PDCD6: variants seen among roughly 807,000 people sequenced by gnomAD.
The protein encoded by PDCD6 is programmed cell death protein 6.
A neutral mutation model predicts 28.3 loss-of-function variants in PDCD6; 12 were observed. That is an observed-to-expected ratio of 0.42 (90% CI 0.27 to 0.69). The LOEUF is 0.69. PDCD6 is among the 30% of genes least tolerant of loss of function. The pLI is 0.22. For missense variants in PDCD6, 226 were observed against 269.9 expected (o/e 0.84, Z 1.14); for synonymous variants, 92 against 108.0 (o/e 0.85, Z 0.92).
chr5:276,340 G>C, intron 2 of PDCD6: 1 of 1,077,934 alleles, frequency 9.3e-7, no homozygotes, highest in Non-Finnish European at 1.1e-6. Flanking sequence ...CGTTTTCATA[G>C]TTCCCTCTCA....
chr5:281,838 C>G (rs1162749832), intron 2 of PDCD6, among the ~76,000 whole-genome samples: 4 of 150,688 alleles, frequency 2.7e-5, no homozygotes, highest in African/African-American at 9.9e-5. Context: ...CATTGTGCAG[C>G]TGAAGACTCG....
intron 2 of PDCD6, among the ~76,000 whole-genome samples, chr5:278,215 T>A (rs754536397): frequency 6.6e-6 from 1 of 152,158 alleles, no homozygotes; most frequent in African/African-American, 2.4e-5. Context: ...CTTTCTCTTG[T>A]AGGATATTTC....
intron 2 of PDCD6, among the ~76,000 whole-genome samples, chr5:291,696 T>C (rs1347313947): frequency 6.8e-6 from 1 of 147,090 alleles, no homozygotes; most frequent in Non-Finnish European, 1.5e-5. Flanking sequence ...TGATCTCCCG[T>C]CTCCATTCTC....
At chr5:276,787 A>G in intron 2 of PDCD6, 4 of 985,356 alleles carry the variant, frequency 4.1e-6, no homozygotes, top group Non-Finnish European at 4.8e-6. Flanking sequence ...CACACTGAGA[A>G]GGTATTTGTG....
At chr5:285,618 C>G (rs972682500) in intron 2 of PDCD6, among the ~76,000 whole-genome samples, 2 of 146,932 alleles carry the variant, frequency 1.4e-5, no homozygotes, top group Admixed American at 6.8e-5. Flanking sequence ...CCATGGGGAT[C>G]TGATGTTCCA....
chr5:314,582 G>T lies in PDCD6; in HGVS notation c.*67G>T. On this transcript the variant is annotated 3_prime_UTR_variant, in exon 6 of 6. Transcript: ENST00000264933. ...AAAATGTCACAGTTCCTATCTGTGA[G>T]GGAATGGAGCACAGGTGCAGTTAGA... is the stretch of plus-strand genomic sequence containing the variant. The T allele has an allele frequency of 1.8e-6, 2 of 1,118,204 alleles. No individual in the cohort carries two copies. The highest frequency in any genetic ancestry group is 2.4e-5 in the East Asian group (1 of 42,496). The allele number at this position is 1,118,204 out of a possible 1,614,324, so 69.3% of individuals were successfully genotyped here. A position where few individuals can be genotyped will look rare whatever the true frequency, so the allele number is the denominator to read the frequency against.
intron 2 of PDCD6, among the ~76,000 whole-genome samples, chr5:279,151 T>A (rs1738404998): frequency 6.6e-6 from 1 of 152,068 alleles, no homozygotes; most frequent in Non-Finnish European, 1.5e-5. Context: ...ACACAGAGAC[T>A]GACATTTCTT....
intron 2 of PDCD6, among the ~76,000 whole-genome samples, chr5:298,554 C>T (rs916205566): frequency 6.6e-6 from 1 of 151,560 alleles, no homozygotes; most frequent in African/African-American, 2.4e-5. Context: ...GATTAGGGTT[C>T]CTCCCGGCCT....
rs1740306960 is a variant in PDCD6, at chr5:304,041, G to A, written c.164-136G>A. 2.4e-5 allele frequency: 30 copies of A among 1,238,298 alleles called. 1 individual carries two copies. In the South Asian group the frequency reaches 3.7e-4, roughly 15 times the overall value. The allele number at this position is 1,238,298 out of a possible 1,614,324, so 76.7% of individuals were successfully genotyped here. A position where few individuals can be genotyped will look rare whatever the true frequency, so the allele number is the denominator to read the frequency against. ...TCCCAGGAGTCATGGCAGCCGACACGTCACCTGGAGTGTCTAGAAAACCAC... is the reference window on the plus strand; with the variant it reads ...TCCCAGGAGTCATGGCAGCCGACACATCACCTGGAGTGTCTAGAAAACCAC... On this transcript the variant is annotated intron_variant, in intron 2 of 5. Coordinates refer to ENST00000264933, the MANE Select transcript of PDCD6 (RefSeq NM_013232.4).
At chr5:303,860 G>A (rs1315366951) in intron 2 of PDCD6, among the ~76,000 whole-genome samples, 1 of 148,824 alleles carries the variant, frequency 6.7e-6, no homozygotes, top group Non-Finnish European at 1.5e-5. Context: ...GAAAAATTCT[G>A]TGTGTAAAAT....
intron 2 of PDCD6, among the ~76,000 whole-genome samples, chr5:285,709 G>A (rs1738911716): frequency 6.6e-6 from 1 of 151,520 alleles, no homozygotes; most frequent in Non-Finnish European, 1.5e-5. Flanking sequence ...ACCCGGGGGC[G>A]GGCTGATGTT....
chr5:302,107 T>TGTGTGTGTGTGTGTGC lies in PDCD6; in HGVS notation c.164-2069_164-2068insTGTGTGTGTGTGTGCG, dbSNP rs113802406. On this transcript the variant is annotated intron_variant, in intron 2 of 5. Transcript: ENST00000264933. ...GTGTGTGTGTGTGTGTGTGTGTGTG[T>TGTGTGTGTGTGTGTGC]GCCTTGGGTTCAGGTGCACCTGCCT... Among the ~76,000 whole-genome samples, 141 of 111,670 alleles carry TGTGTGTGTGTGTGTGC rather than the reference T, an allele frequency of 1.3e-3. 3 individuals carry two copies. Among genetic ancestry groups the TGTGTGTGTGTGTGTGC allele is most frequent in the Non-Finnish European group, 1.8e-3 (101 of 56,332 alleles). The allele number at this position is 111,670 out of a possible 152,430, so 73.3% of individuals were successfully genotyped here.
chr5:290,258 C>T, intron 2 of PDCD6: 2 of 1,506,598 alleles, frequency 1.3e-6, no homozygotes, highest in South Asian at 2.3e-5. Context: ...CAGGACAGGA[C>T]AAACTTCCTT....
chr5:310,102 C>T (rs1740810968), intron 4 of PDCD6: 1 of 211,048 alleles, frequency 4.7e-6, no homozygotes, highest in African/African-American at 2.4e-5. Context: ...GCTCTGTTCT[C>T]AGCAGGCTGG....
chr5:306,743 A>G lies in PDCD6; in HGVS notation c.350A>G (p.Gln117Arg), dbSNP rs755147828. Reference protein sequence around the residue: ...SGMIDKNELKQALSGFGYRLS... With the variant: ...SGMIDKNELKRALSGFGYRLS... ...ATGATCGATAAGAACGAGCTGAAGCAGGCCCTCTCAGGTTTCGGTAACTCA... is the reference window on the plus strand; with the variant it reads ...ATGATCGATAAGAACGAGCTGAAGCGGGCCCTCTCAGGTTTCGGTAACTCA... Residue 117 changes from glutamine (Q) to arginine (R), a missense_variant, in exon 4 of 6, where the codon CAG (glutamine) becomes CGG (arginine). Transcript: ENST00000264933. 2.5e-6 allele frequency: 4 copies of G among 1,613,724 alleles called. No homozygotes were observed. Among genetic ancestry groups the G allele is most frequent in the African/African-American group, 2.7e-5 (2 of 74,928 alleles).
At position 300,317 on chromosome 5, in the gene PDCD6, C is replaced by T. The variant is rs528028129; in HGVS notation, c.164-3860C>T. Among the ~76,000 whole-genome samples the T allele has an allele frequency of 3.9e-5, 6 of 152,338 alleles. No homozygotes were observed. The East Asian group carries it at 7.7e-4, about 20-fold the overall frequency. On this transcript the variant is annotated intron_variant, in intron 2 of 5. Transcript: ENST00000264933. Reference sequence around the variant, plus strand: ...AGGAGAGCCTCCCTGGTCCGCACCACGGCACTAGCTGTCCCAGCTTCTTGC... The same window carrying T: ...AGGAGAGCCTCCCTGGTCCGCACCATGGCACTAGCTGTCCCAGCTTCTTGC...
chr5:301,770 T>TC (rs1236955026), intron 2 of PDCD6, among the ~76,000 whole-genome samples: 1 of 149,744 alleles, frequency 6.7e-6, no homozygotes, highest in Admixed American at 6.7e-5. Flanking sequence ...GGAGGGTGGG[T>TC]CGTGGAGTGC....
intron 2 of PDCD6, among the ~76,000 whole-genome samples, chr5:301,647 C>G (rs1197581609): frequency 7.9e-5 from 12 of 151,216 alleles, no homozygotes; most frequent in Admixed American, 7.9e-4. Context: ...GAGAGCACAG[C>G]TTCCCTGCAT....
At chr5:280,492 A>T (rs1738497053) in intron 2 of PDCD6, among the ~76,000 whole-genome samples, 1 of 137,270 alleles carries the variant, frequency 7.3e-6, no homozygotes, top group African/African-American at 2.9e-5. Context: ...ACCGAAGTAG[A>T]GGGCAGGGCT....
Sources: gnomAD v4.1 joint callset for allele counts (sites outside exome capture counted in the v4.1 genomes callset) on GRCh38, gnomAD v4.1.1 for gene constraint, MANE v1.5 for transcripts, NCBI Gene and HGNC (gene_info 2026-07-23, HGNC 2026-07-21) for gene names.